CEP250: variants seen among roughly 807,000 people sequenced by gnomAD.
CEP250 encodes centrosome-associated protein CEP250.
CEP250 carries 242 observed loss-of-function variants against 315.7 expected under a neutral mutation model. The ratio of observed to expected loss-of-function variants is 0.77; its 90% CI spans 0.69 to 0.85. The LOEUF (loss-of-function observed/expected upper bound fraction) is 0.85. Ranked by LOEUF, CEP250 falls within the 40% of genes least tolerant of loss-of-function variation. The pLI is 0.00. For synonymous variants in CEP250, 1,088 were observed against 1,175.0 expected, an observed-to-expected ratio of 0.93 and a Z score of 1.51; for missense variants, 2,515 against 2,886.4, an observed-to-expected ratio of 0.87 and a Z score of 2.95.
At position 35,479,385 on chromosome 20, in the gene CEP250, G is replaced by A. The variant is rs201775017; in HGVS notation, c.2249G>A (p.Arg750His). ...GAGGTGCGGCTGCAGGCCGTGGAGC[G>A]TGACCGGCAGGACCTCGCTGAACAA... is the stretch of plus-strand genomic sequence containing the variant. ...ALEVRLQAVE[R>H]DRQDLAEQLQ... The change falls in exon 18 of 35, where the codon CGT becomes CAT. Residue 750 changes from arginine to histidine, a missense_variant. Coordinates refer to ENST00000397527, the MANE Select transcript of CEP250 (RefSeq NM_007186.6). 9.6e-5 allele frequency: 155 copies of A among 1,614,028 alleles called. No homozygotes were observed. The highest frequency in any genetic ancestry group is 5.4e-5 in the Non-Finnish European group (64 of 1,180,020).
chr20:35,474,044 G>A lies in CEP250; in HGVS notation c.1563G>A (p.Arg521=). Reference sequence around the variant, plus strand: ...AGCTGCACCTGGCTGTCCGGGAGAGGGAGCGTCTGTAAGTGAGACTAGTCT... The same window carrying A: ...AGCTGCACCTGGCTGTCCGGGAGAGAGAGCGTCTGTAAGTGAGACTAGTCT... ...QEELHLAVRE[R]ERLQEMLMGL... is the part of the protein sequence containing the mutation. The change falls in exon 14 of 35, where the codon AGG becomes AGA. Residue 521 remains arginine, a synonymous_variant. Transcript: ENST00000397527. 6.4e-7 allele frequency: 1 copy of A among 1,559,948 alleles called. No homozygotes were observed. Among genetic ancestry groups the A allele is most frequent in the African/African-American group, 1.4e-5 (1 of 72,860 alleles).
chr20:35,461,205 C>A lies in CEP250; in HGVS notation c.-103-1060C>A, dbSNP rs112213793. Reference sequence around the variant, plus strand: ...AGTTGAAAATACGGATATTCCTTAGCCCTGCTGGTGAGAGTCTTAGGGTTA... The same window carrying A: ...AGTTGAAAATACGGATATTCCTTAGACCTGCTGGTGAGAGTCTTAGGGTTA... On this transcript the variant is annotated intron_variant, in intron 3 of 34. Transcript: ENST00000397527. 1.4e-4 allele frequency among the ~76,000 whole-genome samples: 22 copies of A among 152,304 alleles called. 2 individuals carry two copies. Among genetic ancestry groups the A allele is most frequent in the African/African-American group, 5.1e-4 (21 of 41,568 alleles).
At chr20:35,493,222 G>C (rs533179209) in intron 22 of CEP250, among the ~76,000 whole-genome samples, 1 of 151,962 alleles carries the variant, frequency 6.6e-6, no homozygotes, top group Non-Finnish European at 1.5e-5. Context: ...CTAGGTGAGA[G>C]ACTATTACCA....
Position 35,519,062 on chromosome 20 carries a change from A to C in CEP250, c.*7436A>C, listed in dbSNP as rs375550897. 1 of 151,838 alleles carries C rather than the reference A, an allele frequency of 6.6e-6. No homozygotes were observed. The highest frequency in any genetic ancestry group is 1.5e-5 in the Non-Finnish European group (1 of 67,944). The allele number at this position is 151,838 out of a possible 1,614,324, so 9.4% of individuals were successfully genotyped here. On this transcript the variant is annotated 3_prime_UTR_variant, in exon 35 of 35. Transcript: ENST00000397527. Reference sequence around the variant, plus strand: ...AAAAAAAAAATACGAAAAACAAAAAACATAATCTGGATTGCAGGGCTGATC... The same window carrying C: ...AAAAAAAAAATACGAAAAACAAAAACCATAATCTGGATTGCAGGGCTGATC...
In CEP250 at chr20:35,501,864, A is replaced by G. The variant is rs912357524; in HGVS notation, c.3918A>G (p.Gly1306=). The G allele has an allele frequency of 6.2e-7, 1 of 1,611,944 alleles. No individual in the cohort carries two copies. The highest frequency in any genetic ancestry group is 8.5e-7 in the Non-Finnish European group (1 of 1,179,296). Residue 1306 remains glycine (G), a synonymous_variant, in exon 29 of 35, where the codon GGA becomes GGG. Transcript: ENST00000397527. ...QNQEEKSKWE[G]KQNSLESELM... ...TCAAAGAGAAATCTAAGTGGGAAGG[A>G]AAGCAGAACTCCCTAGAATCTGAGC...
chr20:35,506,964 CAAT>C lies in CEP250; in HGVS notation c.6637-771_6637-769del, dbSNP rs551220988. 2.2e-4 allele frequency among the ~76,000 whole-genome samples: 34 copies of C among 152,280 alleles called. No individual in the cohort carries two copies. In the South Asian group the frequency reaches 6.6e-3, roughly 30 times the overall value. Reference sequence around the variant, plus strand: ...CTTGGGTTACTGAGCAGTATTCACTCAATAACATAACTCTGGTCAGAGTCACTT... The same window carrying C: ...CTTGGGTTACTGAGCAGTATTCACTCAACATAACTCTGGTCAGAGTCACTT... On this transcript the variant is annotated intron_variant, in intron 30 of 34. Coordinates refer to ENST00000397527, the MANE Select transcript of CEP250 (RefSeq NM_007186.6).
chr20:35,500,067 GTCCAGAAA>G lies in CEP250; in HGVS notation c.3797_3804del (p.Val1266AlafsTer7). On this transcript the variant is annotated frameshift_variant, in exon 28 of 35. Transcript: ENST00000397527. LOFTEE classifies it high-confidence loss of function. ...TTCCCAGGATGTTCTGAGGGATCAG[GTCCAGAAA>G]CTGGAAGAGCGTCTAACTGATACTG... 6.2e-7 allele frequency: 1 copy of G among 1,614,140 alleles called. No individual in the cohort carries two copies. The highest frequency in any genetic ancestry group is 2.2e-5 in the East Asian group (1 of 44,878).
chr20:35,488,072 T>C (rs2063568491), intron 20 of CEP250, among the ~76,000 whole-genome samples: 1 of 152,248 alleles, frequency 6.6e-6, no homozygotes, highest in Non-Finnish European at 1.5e-5. Flanking sequence ...AATTTACTCA[T>C]GTCCCAGTGG....
chr20:35,494,193 C>T (rs754302442), intron 23 of CEP250, among the ~76,000 whole-genome samples: 4 of 151,430 alleles, frequency 2.6e-5, no homozygotes, highest in East Asian at 1.9e-4. Context: ...AGACTGATCT[C>T]GAACTCCTGG....
In CEP250 at chr20:35,455,668, C is replaced by G. The variant is rs1165105430; in HGVS notation, c.-381C>G. The G allele has an allele frequency of 6.6e-6, 1 of 152,262 alleles. No homozygotes were observed. The highest frequency in any genetic ancestry group is 6.5e-5 in the Admixed American group (1 of 15,280). The allele number at this position is 152,262 out of a possible 1,614,324, so 9.4% of individuals were successfully genotyped here. ...CTGCTGAAGTATCGCTTCTCAGCCG[C>G]CTTCTCCAGGCGCAGCTGCATTCGC... is the stretch of plus-strand genomic sequence containing the variant. On this transcript the variant is annotated 5_prime_UTR_variant, in exon 1 of 35. Coordinates refer to ENST00000397527, the MANE Select transcript of CEP250 (RefSeq NM_007186.6).
chr20:35,486,033 C>CT (rs568800381), intron 20 of CEP250, among the ~76,000 whole-genome samples: 3,358 of 128,338 alleles, frequency 0.026, 133 homozygotes, highest in African/African-American at 0.077. Context: ...AGTGGATTTA[C>CT]TTTTTTTTTT....
Position 35,498,705 on chromosome 20 carries a change from C to G in CEP250, c.3766C>G (p.Gln1256Glu). 2 of 1,583,262 alleles carry G rather than the reference C, an allele frequency of 1.3e-6. No individual in the cohort carries two copies. The highest frequency in any genetic ancestry group is 1.7e-6 in the Non-Finnish European group (2 of 1,170,228). Reference protein sequence around the residue: ...HKLHQDLWKTQQTRDVLRDQV... With the variant: ...HKLHQDLWKTEQTRDVLRDQV... ...GCTTCATCAAGACCTGTGGAAGACT[C>G]AACAGACCCGGGTATGTTTCTCTGC... The change falls in exon 27 of 35, where the codon CAA (glutamine) becomes GAA (glutamate). Residue 1256 changes from glutamine (Q) to glutamate (E), a missense_variant. Coordinates refer to ENST00000397527, the MANE Select transcript of CEP250 (RefSeq NM_007186.6).
chr20:35,480,472 T>TTCAGAA (rs1218799638), intron 20 of CEP250, among the ~76,000 whole-genome samples: 2 of 152,154 alleles, frequency 1.3e-5, no homozygotes, highest in Non-Finnish European at 2.9e-5. Context: ...TCTTGTGCAG[T>TTCAGAA]TCAGAACTGT....
At position 35,479,322 on chromosome 20, in the gene CEP250, A is replaced by T; in HGVS notation, c.2186A>T (p.Gln729Leu). 6.2e-7 allele frequency: 1 copy of T among 1,614,196 alleles called. No individual in the cohort carries two copies. Among genetic ancestry groups the T allele is most frequent in the Non-Finnish European group, 8.5e-7 (1 of 1,180,016 alleles). The change falls in exon 18 of 35, where the codon CAG becomes CTG. Residue 729 changes from glutamine (Q) to leucine (L), a missense_variant. Physicochemically the swap from Gln to Leu is moderately radical, Grantham distance 113. Transcript: ENST00000397527. ...GAAGAAGTGCTTGCCAGGGCAGTCC[A>T]GGAGAAGGAGGCCCTAGTACGAGAG... ...RQEEVLARAV[Q>L]EKEALVREKA... is the part of the protein sequence containing the mutation.
intron 30 of CEP250, among the ~76,000 whole-genome samples, chr20:35,506,281 C>T (rs948171863): frequency 4.6e-5 from 7 of 152,108 alleles, no homozygotes; most frequent in Non-Finnish European, 7.4e-5. Context: ...GAGTTGAAGC[C>T]AGAGACACTT....
intron 34 of CEP250, 58 bp downstream of exon 34, chr20:35,510,112 ACCTCC>A: frequency 6.6e-7 from 1 of 1,511,088 alleles, no homozygotes; most frequent in Non-Finnish European, 9.2e-7. Flanking sequence ...CCCTTTGTGC[ACCTCC>A]AGCAGGGAGA....
rs2064137882 is a variant in CEP250 at position 35,504,815 on chromosome 20, A to G, written c.6446A>G (p.Gln2149Arg). The G allele has an allele frequency of 9.3e-6, 15 of 1,613,380 alleles. No individual in the cohort carries two copies. Among genetic ancestry groups the G allele is most frequent in the Non-Finnish European group, 1.3e-5 (15 of 1,179,168 alleles). ...LKLDSLEPRL[Q>R]RELERLQAAL... ...CTTGATTCTTTAGAGCCCAGGCTGC[A>G]GCGGGAGCTGGAGCGGCTACAGGCA... Residue 2149 changes from glutamine (Q) to arginine (R), a missense_variant, in exon 30 of 35, where the codon CAG becomes CGG. Physicochemically the swap from Gln to Arg is conservative, Grantham distance 43. Coordinates refer to ENST00000397527, the MANE Select transcript of CEP250 (RefSeq NM_007186.6).
In CEP250 at chr20:35,504,005, G is replaced by A. The variant is rs748465576; in HGVS notation, c.5636G>A (p.Gly1879Glu). 3 of 1,609,352 alleles carry A rather than the reference G, an allele frequency of 1.9e-6. No individual in the cohort carries two copies. The highest frequency in any genetic ancestry group is 1.7e-5 in the Admixed American group (1 of 59,538). Residue 1879 changes from glycine (G) to glutamate (E), a missense_variant, in exon 30 of 35, where the codon GGA (glycine) becomes GAA (glutamate). Gly to Glu is a moderately conservative substitution (Grantham distance 98, BLOSUM62 -2). Transcript: ENST00000397527. ...RRLEEELAVE[G>E]RRVQALEEVL... ...CTGGAGGAAGAGCTGGCAGTGGAGG[G>A]ACGGCGGGTCCAGGCCCTGGAGGAG...
chr20:35,491,862 A>G (rs1368048128), intron 22 of CEP250, among the ~76,000 whole-genome samples: 1 of 139,698 alleles, frequency 7.2e-6, no homozygotes, highest in Non-Finnish European at 1.5e-5. Context: ...AGGTCACGCC[A>G]CTGCATTCCA....
Sources: gnomAD v4.1 joint callset for allele counts (sites outside exome capture counted in the v4.1 genomes callset) on GRCh38, gnomAD v4.1.1 for gene constraint, MANE v1.5 for transcripts, NCBI Gene and HGNC (gene_info 2026-07-23, HGNC 2026-07-21) for gene names.